Variants in CNOT6L observed in about 807,000 individuals in gnomAD.
CNOT6L encodes CCR4-NOT transcription complex subunit 6-like.
CNOT6L carries 7 observed loss-of-function variants against 64.0 expected under a neutral mutation model. The observed-to-expected ratio is 0.11, with a 90% CI of 0.06 to 0.21. CNOT6L has a LOEUF of 0.21. Among genes scored for constraint, CNOT6L ranks in the 10% least tolerant of loss-of-function variants. The pLI is 1.00. For missense variants in CNOT6L, 245 were observed against 669.0 expected (o/e 0.37, Z 6.99); for synonymous variants, 193 against 243.4 (o/e 0.79, Z 1.93).
chr4:77,752,041 C>T (rs574300401), intron 5 of CNOT6L, among the ~76,000 whole-genome samples: 13 of 152,026 alleles, frequency 8.6e-5, no homozygotes, highest in Admixed American at 5.2e-4. Context: ...GACGTGGTGA[C>T]GGGAGCCTGT....
chr4:77,784,453 C>T (rs1191238108), intron 1 of CNOT6L, among the ~76,000 whole-genome samples: 2 of 151,914 alleles, frequency 1.3e-5, no homozygotes, highest in Admixed American at 1.3e-4. Flanking sequence ...GCTTTAATGC[C>T]TTGCATTTAA....
At chr4:77,778,652 G>A (rs1488242368) in intron 1 of CNOT6L, among the ~76,000 whole-genome samples, 9 of 151,686 alleles carry the variant, frequency 5.9e-5, no homozygotes, top group Non-Finnish European at 8.8e-5. Flanking sequence ...TGATCCGCCC[G>A]CCTTGGCCTC....
rs201499481 is a variant in CNOT6L at position 77,714,438 on chromosome 4, T to TAAAAAAAAAAAAAA, written c.*5979_*5992dup. The TAAAAAAAAAAAAAA allele has an allele frequency of 7.4e-6, 1 of 134,690 alleles. No individual in the cohort carries two copies. The highest frequency in any genetic ancestry group is 2.1e-4 in the East Asian group (1 of 4,732). 8.3% of individuals were successfully genotyped at this position (134,690 alleles called of 1,614,324 possible). A position where few individuals can be genotyped will look rare whatever the true frequency, so the allele number is the denominator to read the frequency against. ...AGAAAAAGTACATACACACTCTCTT[T>TAAAAAAAAAAAAAA]AAAAAAAAAAAAAAAAAAAAAAAAA... On this transcript the variant is annotated 3_prime_UTR_variant, in exon 12 of 12. Transcript: ENST00000504123.
At chr4:77,783,181 A>G (rs904795664) in intron 1 of CNOT6L, among the ~76,000 whole-genome samples, 1 of 137,286 alleles carries the variant, frequency 7.3e-6, no homozygotes, top group African/African-American at 2.6e-5. Context: ...CACATGTTTT[A>G]TAATGGCAAA....
chr4:77,795,615 G>C (rs935488094), intron 1 of CNOT6L, among the ~76,000 whole-genome samples: 1 of 152,112 alleles, frequency 6.6e-6, no homozygotes, highest in African/African-American at 2.4e-5. Context: ...GGCCTTGTGA[G>C]GATGTGCCTG....
At chr4:77,776,968 G>A (rs2110068001) in intron 1 of CNOT6L, among the ~76,000 whole-genome samples, 1 of 152,320 alleles carries the variant, frequency 6.6e-6, no homozygotes, top group South Asian at 2.1e-4. Context: ...GATAAGGAAA[G>A]TCAGCCATGG....
At chr4:77,753,191 GAA>G (rs200937180) in intron 5 of CNOT6L, among the ~76,000 whole-genome samples, 102 of 105,614 alleles carry the variant, frequency 9.7e-4, no homozygotes, top group Middle Eastern at 5.4e-3. Context: ...CTTCCTACCA[GAA>G]AAAAAAAAAA....
intron 1 of CNOT6L, among the ~76,000 whole-genome samples, chr4:77,789,146 A>G (rs1019329175): frequency 6.6e-6 from 1 of 152,190 alleles, no homozygotes; most frequent in Admixed American, 6.5e-5. Flanking sequence ...AGAATGATTC[A>G]ATGCAGAGCT....
At position 77,718,050 on chromosome 4, in the gene CNOT6L, T is replaced by G. The variant is rs1720928525; in HGVS notation, c.*2381A>C. The G allele has an allele frequency of 6.6e-6, 1 of 152,572 alleles. No homozygotes were observed. The highest frequency in any genetic ancestry group is 1.5e-5 in the Non-Finnish European group (1 of 68,026). The allele number at this position is 152,572 out of a possible 1,614,324, so 9.5% of individuals were successfully genotyped here. A position where few individuals can be genotyped will look rare whatever the true frequency, so the allele number is the denominator to read the frequency against. On this transcript the variant is annotated 3_prime_UTR_variant, in exon 12 of 12. Transcript: ENST00000504123. ...CAATGTTTCCCATTTTTTTTTATTT[T>G]TTCCCTCTACATTTAACTATTAAAA...
intron 11 of CNOT6L, 56 bp from the exon 12 acceptor site, chr4:77,720,699 A>G (rs942809725): frequency 2.8e-5 from 44 of 1,567,400 alleles, no homozygotes; most frequent in Non-Finnish European, 3.4e-5. Context: ...ATAAAGAACA[A>G]TCCATAATTT....
At chr4:77,772,468 T>C (rs1328171190) in intron 4 of CNOT6L, among the ~76,000 whole-genome samples, 5 of 152,112 alleles carry the variant, frequency 3.3e-5, no homozygotes, top group Non-Finnish European at 7.4e-5. Flanking sequence ...TATTCCCTTT[T>C]TTTTTTTAAG....
chr4:77,803,639 C>T (rs1731867241), intron 1 of CNOT6L, among the ~76,000 whole-genome samples: 1 of 152,172 alleles, frequency 6.6e-6, no homozygotes, highest in Non-Finnish European at 1.5e-5. Flanking sequence ...TGCGGTTGCT[C>T]ATGCCTATAA....
intron 5 of CNOT6L, among the ~76,000 whole-genome samples, chr4:77,751,198 A>T (rs760938096): frequency 1.3e-5 from 2 of 152,186 alleles, no homozygotes; most frequent in Non-Finnish European, 2.9e-5. Context: ...AGAAATTATT[A>T]TTTTAAAAGT....
intron 1 of CNOT6L, among the ~76,000 whole-genome samples, chr4:77,812,095 T>A (rs973519074): frequency 6.6e-6 from 1 of 152,198 alleles, no homozygotes; most frequent in Non-Finnish European, 1.5e-5. Flanking sequence ...AAACTTCATT[T>A]GTTTGCAGGT....
intron 4 of CNOT6L, among the ~76,000 whole-genome samples, chr4:77,764,401 A>G (rs1258316128): frequency 6.6e-6 from 1 of 152,220 alleles, no homozygotes; most frequent in Non-Finnish European, 1.5e-5. Context: ...TTAAAAAGAG[A>G]AAAGGGAAAA....
chr4:77,772,294 G>A lies in CNOT6L; in HGVS notation c.400+787C>T, dbSNP rs1436075374. On this transcript the variant is annotated intron_variant, in intron 4 of 11. Transcript: ENST00000504123. ...GTTGCCCAGGCTGGAACACAGTGGC[G>A]CGATCTCGGCTCCCCGCAACCTCTG... Among the ~76,000 whole-genome samples the A allele has an allele frequency of 5.3e-5, 8 of 151,980 alleles. 1 individual carries two copies. The South Asian group carries it at 1.0e-3, about 20-fold the overall frequency.
chr4:77,799,870 T>A lies in CNOT6L; in HGVS notation c.5+19434A>T, dbSNP rs144219229. On this transcript the variant is annotated intron_variant, in intron 1 of 11. Coordinates refer to ENST00000504123, the MANE Select transcript of CNOT6L (RefSeq NM_144571.3). The stretch of plus-strand genomic sequence containing the variant: ...AGTAGATTTAGTCCATGTTTTAATG[T>A]GGAAAAAAACTGAAGTAACATTCTA... Among the ~76,000 whole-genome samples the A allele has an allele frequency of 3.7e-3, 563 of 152,284 alleles. 5 individuals are homozygous for A. The highest frequency in any genetic ancestry group is 0.013 in the African/African-American group (537 of 41,566).
chr4:77,799,704 CAAAAAA>C (rs71214370), intron 1 of CNOT6L, among the ~76,000 whole-genome samples: 1 of 90,916 alleles, frequency 1.1e-5, no homozygotes, highest in African/African-American at 4.4e-5. Context: ...AACTCCATCT[CAAAAAA>C]AAAAAAAAAA....
intron 4 of CNOT6L, among the ~76,000 whole-genome samples, chr4:77,758,421 A>G (rs1174321235): frequency 6.6e-6 from 1 of 152,212 alleles, no homozygotes; most frequent in Non-Finnish European, 1.5e-5. Flanking sequence ...TGGAAAACAT[A>G]AGACAGTAAA....
Sources: gnomAD v4.1 joint callset for allele counts (sites outside exome capture counted in the v4.1 genomes callset) on GRCh38, gnomAD v4.1.1 for gene constraint, MANE v1.5 for transcripts, NCBI Gene and HGNC (gene_info 2026-07-23, HGNC 2026-07-21) for gene names.